IMMP2L: variants seen among roughly 807,000 people sequenced by gnomAD.
IMMP2L encodes the protein mitochondrial inner membrane protease subunit 2.
A neutral mutation model predicts 19.3 loss-of-function variants in IMMP2L; 18 were observed. That is an observed-to-expected ratio of 0.93 (90% CI 0.64 to 1.38). IMMP2L has a LOEUF of 1.38. Ranked by LOEUF, IMMP2L falls within the 40% of genes most tolerant of loss-of-function variation. The probability of loss-of-function intolerance (pLI) is 0.00; values close to 1 mark genes in which losing one functional copy is unlikely to be tolerated. For missense variants in IMMP2L, 233 were observed against 218.2 expected, an observed-to-expected ratio of 1.07 and a Z score of -0.43; for synonymous variants, 76 against 73.0, an observed-to-expected ratio of 1.04 and a Z score of -0.21.
intron 3 of IMMP2L, among the ~76,000 whole-genome samples, chr7:111,072,696 C>A (rs906156188): frequency 1.3e-5 from 2 of 152,076 alleles, no homozygotes; most frequent in Non-Finnish European, 2.9e-5. Context: ...GAGATTGAGA[C>A]CACCCTGATT....
chr7:111,179,569 T>C (rs1807477874), intron 3 of IMMP2L, among the ~76,000 whole-genome samples: 1 of 152,018 alleles, frequency 6.6e-6, no homozygotes, highest in Admixed American at 6.6e-5. Flanking sequence ...TTTAGCATCA[T>C]TCTTAAGGGC....
intron 5 of IMMP2L, among the ~76,000 whole-genome samples, chr7:110,702,692 T>A (rs891284239): frequency 1.3e-5 from 2 of 152,318 alleles, no homozygotes; most frequent in Admixed American, 6.5e-5. Flanking sequence ...TAATATGATT[T>A]AACATTTTCA....
At chr7:111,047,187 T>A (rs146374853) in intron 3 of IMMP2L, among the ~76,000 whole-genome samples, 1 of 137,848 alleles carries the variant, frequency 7.3e-6, no homozygotes, top group Non-Finnish European at 1.5e-5. Context: ...TTTTTTTTTG[T>A]TTTTTTTTTG....
At position 111,123,508 on chromosome 7, in the gene IMMP2L, A is replaced by G. The variant is rs201219640; in HGVS notation, c.240-159943T>C. On this transcript the variant is annotated intron_variant, in intron 3 of 5. Coordinates refer to ENST00000405709, the MANE Select transcript of IMMP2L (RefSeq NM_032549.4). This position sits in a 1 kb window ranked among gnomAD's most constrained non-coding sequence, Gnocchi z 6.4. ...CTTAGAAAGCATCTCTTTTTACGAT[A>G]ACAGGCTTATTAAAGTACCCCATGT... The G allele has an allele frequency of 7.4e-5, 119 of 1,613,940 alleles. No individual in the cohort carries two copies. The East Asian group carries it at 2.5e-3, about 34-fold the overall frequency.
chr7:111,302,310 T>C (rs1394086688), intron 3 of IMMP2L, among the ~76,000 whole-genome samples: 1 of 152,166 alleles, frequency 6.6e-6, no homozygotes, highest in Non-Finnish European at 1.5e-5. Context: ...ACCTGTTGTA[T>C]TGTCTCCCTG....
At chr7:111,309,331 C>A (rs1199412384) in intron 3 of IMMP2L, among the ~76,000 whole-genome samples, 3 of 151,946 alleles carry the variant, frequency 2.0e-5, no homozygotes, top group Non-Finnish European at 4.4e-5. Flanking sequence ...TGGAAATAAA[C>A]AAAAATTTTA....
intron 4 of IMMP2L, among the ~76,000 whole-genome samples, chr7:110,901,160 T>C (rs1006874081): frequency 1.3e-5 from 2 of 152,152 alleles, no homozygotes; most frequent in Non-Finnish European, 2.9e-5. Flanking sequence ...ATTTCACTAC[T>C]CCTGGGTTTA....
rs2132195331 is a variant in IMMP2L, at chr7:111,480,331, C to A, written c.239+6907G>T. ...TCCTGACCTCGTGATCCACCTGCCT[C>A]AGCCTCCCAAAGTGCTGAGATTACA... On this transcript the variant is annotated intron_variant, in intron 3 of 5. Transcript: ENST00000405709. 2.0e-5 allele frequency among the ~76,000 whole-genome samples: 3 copies of A among 152,108 alleles called. No individual in the cohort carries two copies. The South Asian group carries it at 6.2e-4, about 32-fold the overall frequency.
rs1824081106 is a variant in IMMP2L at position 111,316,386 on chromosome 7, A to G, written c.239+170852T>C. The stretch of plus-strand genomic sequence containing the variant: ...GAAAAAAGGGCCTGAAAACCAGAAT[A>G]TATTTCATTATGTTAAGAGCCAACA... On this transcript the variant is annotated intron_variant, in intron 3 of 5. Transcript: ENST00000405709. Among the ~76,000 whole-genome samples the G allele has an allele frequency of 2.0e-5, 3 of 152,178 alleles. No homozygotes were observed. The South Asian group carries it at 6.2e-4, about 32-fold the overall frequency.
At chr7:110,693,968 G>T (rs28430531) in intron 5 of IMMP2L, among the ~76,000 whole-genome samples, 8 of 152,132 alleles carry the variant, frequency 5.3e-5, no homozygotes, top group African/African-American at 1.9e-4. Flanking sequence ...TCCCTTCTTG[G>T]GGAACAGAGG....
chr7:111,392,398 T>C (rs1832447661), intron 3 of IMMP2L, among the ~76,000 whole-genome samples: 1 of 152,160 alleles, frequency 6.6e-6, no homozygotes, highest in Non-Finnish European at 1.5e-5. Context: ...TTTTTTATTT[T>C]ATTGCCTTAA....
At chr7:110,814,639 T>C (rs932916852) in intron 5 of IMMP2L, among the ~76,000 whole-genome samples, 2 of 149,706 alleles carry the variant, frequency 1.3e-5, no homozygotes, top group African/African-American at 4.9e-5. Context: ...TTAAGAGAAA[T>C]GGACTTACTC....
At chr7:110,909,799 C>A (rs1341645944) in intron 4 of IMMP2L, among the ~76,000 whole-genome samples, 1 of 151,912 alleles carries the variant, frequency 6.6e-6, no homozygotes, top group Non-Finnish European at 1.5e-5. Flanking sequence ...CCTACCTTTC[C>A]CACCATTCAT....
intron 3 of IMMP2L, among the ~76,000 whole-genome samples, chr7:111,450,242 C>T (rs904355636): frequency 1.3e-4 from 20 of 149,646 alleles, no homozygotes; most frequent in South Asian, 2.1e-4. Flanking sequence ...AAAAAGAGCC[C>T]GCATCGCCAG....
intron 5 of IMMP2L, among the ~76,000 whole-genome samples, chr7:110,829,975 C>G (rs1434322553): frequency 6.6e-6 from 1 of 152,060 alleles, no homozygotes; most frequent in Non-Finnish European, 1.5e-5. Context: ...ATAAATTAAT[C>G]TCAATCAGCG....
chr7:111,084,030 C>T (rs761468639), intron 3 of IMMP2L, among the ~76,000 whole-genome samples: 9 of 151,930 alleles, frequency 5.9e-5, no homozygotes, highest in Non-Finnish European at 1.2e-4. Context: ...GTGAGCCTGA[C>T]TGTGTTGTGG....
intron 3 of IMMP2L, among the ~76,000 whole-genome samples, chr7:111,182,987 A>G (rs746174507): frequency 3.3e-5 from 5 of 152,056 alleles, no homozygotes; most frequent in Non-Finnish European, 7.4e-5. Flanking sequence ...GCTAGATTGC[A>G]TAAGCTTTTA....
chr7:110,814,222 T>C (rs1802271363), intron 5 of IMMP2L, among the ~76,000 whole-genome samples: 1 of 151,988 alleles, frequency 6.6e-6, no homozygotes. Context: ...GAATTTTTCT[T>C]ATGTCACAGG....
intron 2 of IMMP2L, among the ~76,000 whole-genome samples, chr7:111,500,833 C>A (rs1033999009): frequency 3.3e-5 from 5 of 152,034 alleles, no homozygotes. Flanking sequence ...ACGTCACCAT[C>A]ATCAAAGACC....
Sources: allele counts gnomAD v4.1 joint callset (sites outside exome capture counted in the v4.1 genomes callset), GRCh38; gene constraint gnomAD v4.1.1; non-coding constraint Gnocchi (gnomAD v3.1); transcripts MANE v1.5; gene names NCBI Gene and HGNC (gene_info 2026-07-23, HGNC 2026-07-21).